The following SEMA5A variants were observed in gnomAD, a reference collection of about 807,000 sequenced individuals.
The protein encoded by SEMA5A is semaphorin 5A.
In SEMA5A, 55 loss-of-function variants were observed where a neutral mutation model predicts 135.5. The observed-to-expected ratio is 0.41, with a 90% CI of 0.33 to 0.51. SEMA5A has a LOEUF of 0.51. Among genes scored for constraint, SEMA5A ranks in the 20% least tolerant of loss-of-function variants. The pLI is 0.37. For synonymous variants in SEMA5A, 580 were observed against 546.5 expected (o/e 1.06, Z -0.85); for missense variants, 1,290 against 1,419.9 (o/e 0.91, Z 1.47).
intron 3 of SEMA5A, among the ~76,000 whole-genome samples, chr5:9,370,826 A>G (rs1054888625): frequency 1.3e-5 from 2 of 152,210 alleles, no homozygotes; most frequent in African/African-American, 4.8e-5. Flanking sequence ...ATAATCCAAG[A>G]AAGATACTGC....
chr5:9,484,415 G>A (rs75423940), intron 1 of SEMA5A, among the ~76,000 whole-genome samples: 1,625 of 152,230 alleles, frequency 0.011, 26 homozygotes, highest in African/African-American at 0.037. Context: ...GGAGGCTGTA[G>A]GCAAATCGCT....
intron 5 of SEMA5A, among the ~76,000 whole-genome samples, chr5:9,274,829 G>A (rs963024526): frequency 1.3e-5 from 2 of 152,172 alleles, no homozygotes; most frequent in African/African-American, 4.8e-5. Context: ...CACATTTAAA[G>A]CAGTGGGTAG....
chr5:9,427,579 G>A (rs1305088474), intron 2 of SEMA5A, among the ~76,000 whole-genome samples: 1 of 152,052 alleles, frequency 6.6e-6, no homozygotes, highest in Non-Finnish European at 1.5e-5. Flanking sequence ...GCATCCCTGT[G>A]CCGGGCTGAT....
intron 2 of SEMA5A, among the ~76,000 whole-genome samples, chr5:9,434,599 G>C (rs1462658305): frequency 1.3e-5 from 2 of 152,040 alleles, no homozygotes; most frequent in Admixed American, 6.6e-5. Context: ...CATAGAGATT[G>C]TGTGTGTGAG....
intron 4 of SEMA5A, among the ~76,000 whole-genome samples, chr5:9,324,415 T>C (rs1345234810): frequency 6.6e-6 from 1 of 152,178 alleles, no homozygotes; most frequent in Non-Finnish European, 1.5e-5. Flanking sequence ...TTTGTGGAAT[T>C]CCCTAATCAC....
At chr5:9,220,546 G>GA (rs1177412437) in intron 8 of SEMA5A, among the ~76,000 whole-genome samples, 1 of 151,766 alleles carries the variant, frequency 6.6e-6, no homozygotes, top group South Asian at 2.1e-4. Flanking sequence ...AGAAAACTAA[G>GA]AAAAAAACAA....
chr5:9,247,939 G>A (rs1748562451), intron 5 of SEMA5A, among the ~76,000 whole-genome samples: 1 of 152,112 alleles, frequency 6.6e-6, no homozygotes, highest in African/African-American at 2.4e-5. Context: ...ATACATTCAT[G>A]TCCTAGTTAA....
At chr5:9,439,939 G>C (rs1758172887) in intron 1 of SEMA5A, among the ~76,000 whole-genome samples, 1 of 152,228 alleles carries the variant, frequency 6.6e-6, no homozygotes, top group Non-Finnish European at 1.5e-5. Flanking sequence ...CACCCGAAAG[G>C]GTTGTTACTG....
At chr5:9,080,904 T>G (rs977259936) in intron 16 of SEMA5A, among the ~76,000 whole-genome samples, 32 of 152,222 alleles carry the variant, frequency 2.1e-4, no homozygotes, top group African/African-American at 7.5e-4. Context: ...CTGGGTGTCA[T>G]GCTCTGCATA....
chr5:9,480,503 GTTATT>G (rs1237864208), intron 1 of SEMA5A, among the ~76,000 whole-genome samples: 5 of 152,282 alleles, frequency 3.3e-5, no homozygotes, highest in African/African-American at 1.2e-4. Context: ...AGACCCTAGA[GTTATT>G]TATTTAGCCA....
intron 16 of SEMA5A, among the ~76,000 whole-genome samples, chr5:9,088,659 T>TATATATATATATATATACACACACAC: frequency 1.8e-5 from 2 of 112,870 alleles, no homozygotes; most frequent in African/African-American, 8.5e-5. Flanking sequence ...TATATATATA[T>TATATATATATATATATACACACACAC]ACACACACAC....
chr5:9,367,528 T>G (rs1754968508), intron 3 of SEMA5A: 1 of 152,216 alleles, frequency 6.6e-6, no homozygotes, highest in Admixed American at 6.5e-5. Context: ...TCAAAAGCAA[T>G]CTGAAAATCA....
At chr5:9,326,884 A>T (rs1048890452) in intron 4 of SEMA5A, among the ~76,000 whole-genome samples, 1 of 152,240 alleles carries the variant, frequency 6.6e-6, no homozygotes, top group Non-Finnish European at 1.5e-5. Flanking sequence ...TGATCATATC[A>T]GTAAATTTAA....
intron 1 of SEMA5A, among the ~76,000 whole-genome samples, chr5:9,441,167 A>G (rs1167159846): frequency 6.6e-6 from 1 of 151,982 alleles, no homozygotes; most frequent in Admixed American, 6.6e-5. Flanking sequence ...AACCTATTAC[A>G]CTCTCAGGAG....
At chr5:9,270,542 A>C (rs1749916389) in intron 5 of SEMA5A, among the ~76,000 whole-genome samples, 1 of 152,118 alleles carries the variant, frequency 6.6e-6, no homozygotes, top group Non-Finnish European at 1.5e-5. Context: ...AAAAGGAAGT[A>C]TGAAAGGTAC....
intron 18 of SEMA5A, among the ~76,000 whole-genome samples, chr5:9,056,158 G>T (rs1736877367): frequency 6.6e-6 from 1 of 152,144 alleles, no homozygotes; most frequent in Non-Finnish European, 1.5e-5. Context: ...CATGTGTTCT[G>T]TAGATCCCTG....
chr5:9,278,153 G>C (rs775585467), intron 5 of SEMA5A, among the ~76,000 whole-genome samples: 35 of 151,740 alleles, frequency 2.3e-4, no homozygotes, highest in Non-Finnish European at 4.7e-4. Flanking sequence ...TGAGGTCTCA[G>C]CTGGTAATGA....
chr5:9,172,048 C>A (rs749634393), intron 11 of SEMA5A, among the ~76,000 whole-genome samples: 1 of 133,970 alleles, frequency 7.5e-6, no homozygotes, highest in Non-Finnish European at 1.6e-5. Context: ...GGCCCCCGAG[C>A]TCCTGGCATG....
chr5:9,258,803 C>CTTTTTTTTTTTTTTTTTTT lies in SEMA5A; in HGVS notation c.271-20932_271-20914dup, dbSNP rs748703578. On this transcript the variant is annotated intron_variant, in intron 5 of 22. Transcript: ENST00000382496. ...ATTATTTGTCTTTTCTTCTTTCTTT[C>CTTTTTTTTTTTTTTTTTTT]TTTTTTTTTTTTTTTTTTTTTTTTT... Among the ~76,000 whole-genome samples the CTTTTTTTTTTTTTTTTTTT allele has an allele frequency of 3.5e-4, 17 of 48,988 alleles. 1 individual carries two copies. The highest frequency in any genetic ancestry group is 8.0e-4 in the East Asian group (1 of 1,252). 32.1% of individuals were successfully genotyped at this position (48,988 alleles called of 152,430 possible).
Sources: allele counts gnomAD v4.1 joint callset (sites outside exome capture counted in the v4.1 genomes callset), GRCh38; gene constraint gnomAD v4.1.1; transcripts MANE v1.5; gene names NCBI Gene and HGNC (gene_info 2026-07-23, HGNC 2026-07-21).